Variants in KDM2B observed in about 807,000 individuals in gnomAD.
The protein encoded by KDM2B is lysine-specific demethylase 2B.
KDM2B carries 26 observed loss-of-function variants against 150.0 expected under a neutral mutation model. The observed-to-expected ratio is 0.17, with a 90% CI of 0.13 to 0.24. The LOEUF (loss-of-function observed/expected upper bound fraction) is 0.24, where lower values mean the gene tolerates loss of function less well. Ranked by LOEUF, KDM2B falls within the 10% of genes least tolerant of loss-of-function variation. KDM2B has a pLI of 1.00. For synonymous variants in KDM2B, 734 were observed against 729.5 expected (o/e 1.01, Z -0.10); for missense variants, 1,265 against 1,816.9 (o/e 0.70, Z 5.52).
chr12:121,577,145 A>T (rs1217171663), intron 2 of KDM2B, among the ~76,000 whole-genome samples: 1 of 152,144 alleles, frequency 6.6e-6, no homozygotes, highest in Non-Finnish European at 1.5e-5. Context: ...CCTTTGAAAG[A>T]AGCCGGGAGA....
chr12:121,503,022 G>A (rs1555302345), intron 11 of KDM2B, among the ~76,000 whole-genome samples: 1 of 146,496 alleles, frequency 6.8e-6, no homozygotes, highest in African/African-American at 2.6e-5. Flanking sequence ...TTGTCACCCA[G>A]GCTAGGGTGC....
At chr12:121,471,798 C>T (rs1482490336) in intron 12 of KDM2B, among the ~76,000 whole-genome samples, 2 of 152,062 alleles carry the variant, frequency 1.3e-5, no homozygotes, top group African/African-American at 2.4e-5. Context: ...AGACCAATGA[C>T]GGGCTGGTAC....
rs1432291830 is a variant in KDM2B at position 121,453,712 on chromosome 12, C to T, written c.1735-368G>A. Among the ~76,000 whole-genome samples the T allele has an allele frequency of 6.6e-6, 1 of 152,062 alleles. No individual in the cohort carries two copies. The highest frequency in any genetic ancestry group is 1.5e-5 in the Non-Finnish European group (1 of 68,010). ...CAGCACATACCAGGAGCTGGAGGCG[C>T]GGGGAAGGACCCTCCCCTAGAGCCC... is the stretch of plus-strand genomic sequence containing the variant. On this transcript the variant is annotated intron_variant, in intron 12 of 22. Transcript: ENST00000377071. The surrounding 1 kb of genome is among the most constrained non-coding windows in gnomAD (Gnocchi z 6.4).
At chr12:121,475,974 A>G (rs1555296698) in intron 12 of KDM2B, among the ~76,000 whole-genome samples, 1 of 149,268 alleles carries the variant, frequency 6.7e-6, no homozygotes, top group East Asian at 2.0e-4. Flanking sequence ...GACCAGCCTG[A>G]GCAATAGAGT....
At chr12:121,416,065 G>A in the KDM2B span, 1 of 981,044 alleles carries the variant, frequency 1.0e-6, no homozygotes, top group Non-Finnish European at 1.6e-6. Context: ...GTTATTGAGG[G>A]CAAACTTACC....
chr12:121,519,215 G>A (rs1886484936), intron 9 of KDM2B, among the ~76,000 whole-genome samples: 1 of 152,206 alleles, frequency 6.6e-6, no homozygotes, highest in African/African-American at 2.4e-5. Context: ...ACTGTTCAAT[G>A]TTCAGATACA....
chr12:121,538,319 G>A (rs1888332406), intron 6 of KDM2B, among the ~76,000 whole-genome samples: 1 of 151,974 alleles, frequency 6.6e-6, no homozygotes, highest in Non-Finnish European at 1.5e-5. Flanking sequence ...ACCTTCCTAA[G>A]ATGTGCCCCT....
chr12:121,543,474 AAC>A (rs1293798282), intron 6 of KDM2B, among the ~76,000 whole-genome samples: 1 of 151,738 alleles, frequency 6.6e-6, no homozygotes, highest in East Asian at 2.0e-4. Context: ...CAGCCTGGGT[AAC>A]ACAGAGACAT....
the KDM2B span, among the ~76,000 whole-genome samples, chr12:121,419,160 G>A: frequency 2.6e-5 from 4 of 152,074 alleles, no homozygotes; most frequent in African/African-American, 9.7e-5. Flanking sequence ...TATTTTTATT[G>A]TACCTTTTTT....
intron 12 of KDM2B, among the ~76,000 whole-genome samples, chr12:121,462,370 G>A (rs1373344675): frequency 6.6e-6 from 1 of 152,182 alleles, no homozygotes; most frequent in East Asian, 1.9e-4. Context: ...CAGGGGATGG[G>A]AGGACCTCTG....
intron 4 of KDM2B, among the ~76,000 whole-genome samples, chr12:121,572,372 G>A (rs1036291920): frequency 2.0e-5 from 3 of 152,238 alleles, no homozygotes; most frequent in East Asian, 1.9e-4. Flanking sequence ...TCCCAGCTCC[G>A]TGGCCTCTGC....
rs147803954 is a variant in KDM2B at position 121,556,210 on chromosome 12, C to T, written c.398-6572G>A. On this transcript the variant is annotated intron_variant, in intron 4 of 22. Transcript: ENST00000377071. ...AAAATGCTGGGATTACAGGGGTGAG[C>T]CACTGCACTCGGCCTGTTTTTTGTT... Among the ~76,000 whole-genome samples, 257 of 152,140 alleles carry T rather than the reference C, an allele frequency of 1.7e-3. 1 individual carries two copies. Among genetic ancestry groups the T allele is most frequent in the African/African-American group, 6.0e-3 (248 of 41,512 alleles).
intron 12 of KDM2B, among the ~76,000 whole-genome samples, chr12:121,455,858 A>C (rs1005006018): frequency 5.3e-5 from 8 of 152,224 alleles, no homozygotes; most frequent in Non-Finnish European, 8.8e-5. Flanking sequence ...CCACGTGAGA[A>C]GTAAAACGAG....
the KDM2B span, chr12:121,420,041 T>G: frequency 2.0e-6 from 1 of 494,474 alleles, no homozygotes; most frequent in Non-Finnish European, 3.7e-6. Context: ...AATTTGTGTT[T>G]TGAGCTAACT....
At chr12:121,489,476 G>A (rs1037126573) in intron 12 of KDM2B, among the ~76,000 whole-genome samples, 1 of 152,028 alleles carries the variant, frequency 6.6e-6, no homozygotes, top group Non-Finnish European at 1.5e-5. Context: ...GACTCACTCT[G>A]TCACCCAGGC....
At chr12:121,445,759 C>T (rs782331917) in intron 13 of KDM2B, among the ~76,000 whole-genome samples, 9 of 152,038 alleles carry the variant, frequency 5.9e-5, no homozygotes, top group Non-Finnish European at 8.8e-5. Context: ...GAGTGAGGGG[C>T]AGAAGGGGGG....
At chr12:121,434,758 C>T (rs147504108) in intron 22 of KDM2B, among the ~76,000 whole-genome samples, 4,463 of 152,014 alleles carry the variant, frequency 0.029, 231 homozygotes, top group African/African-American at 0.1. Context: ...GAGTTCAAGA[C>T]CAGCCTGGCC....
downstream of KDM2B, among the ~76,000 whole-genome samples, chr12:121,427,100 TC>T (rs1872545672): frequency 6.6e-6 from 1 of 152,260 alleles, no homozygotes; most frequent in Non-Finnish European, 1.5e-5. Context: ...GAGCCTCTTT[TC>T]TAGGTTACTA....
At chr12:121,472,523 T>C (rs1404741922) in intron 12 of KDM2B, among the ~76,000 whole-genome samples, 1 of 152,358 alleles carries the variant, frequency 6.6e-6, no homozygotes, top group South Asian at 2.1e-4. Context: ...ATCATATAAA[T>C]AGACTCTAAA....
Sources: gnomAD v4.1 joint callset for allele counts (sites outside exome capture counted in the v4.1 genomes callset) on GRCh38, gnomAD v4.1.1 for gene constraint, Gnocchi (gnomAD v3.1) non-coding constraint, MANE v1.5 for transcripts, NCBI Gene and HGNC (gene_info 2026-07-23, HGNC 2026-07-21) for gene names.